The following VKORC1L1 variants were observed in gnomAD, a reference collection of about 807,000 sequenced individuals.
VKORC1L1 encodes vitamin K epoxide reductase complex subunit 1L1.
A neutral mutation model predicts 18.9 loss-of-function variants in VKORC1L1; 2 were observed. The observed-to-expected ratio is 0.11, with a 90% CI of 0.04 to 0.33. The LOEUF (loss-of-function observed/expected upper bound fraction) is 0.33. Among genes scored for constraint, VKORC1L1 ranks in the 10% least tolerant of loss-of-function variants. The pLI is 1.00. For synonymous variants in VKORC1L1, 96 were observed against 100.0 expected, an observed-to-expected ratio of 0.96 and a Z score of 0.24; for missense variants, 123 against 224.1, an observed-to-expected ratio of 0.55 and a Z score of 2.88.
chr7:65,912,547 C>T (rs1271013057), intron 1 of VKORC1L1, among the ~76,000 whole-genome samples: 1 of 152,182 alleles, frequency 6.6e-6, no homozygotes, highest in Non-Finnish European at 1.5e-5. Flanking sequence ...CACAAAGGCC[C>T]ATGTAGCAGG....
At chr7:65,948,594 A>G in intron 1 of VKORC1L1, 77 bp from the exon 2 acceptor site, 1 of 525,824 alleles carries the variant, frequency 1.9e-6, no homozygotes, top group Admixed American at 4.3e-5. Flanking sequence ...AGAATTGGAT[A>G]ACGTTCTCAA....
intron 1 of VKORC1L1, among the ~76,000 whole-genome samples, chr7:65,901,507 A>G (rs1330523464): frequency 1.3e-5 from 2 of 152,240 alleles, no homozygotes; most frequent in Non-Finnish European, 2.9e-5. Context: ...GCATTGGGTA[A>G]CAGGCAAAGC....
chr7:65,908,889 T>C (rs1486704018), intron 1 of VKORC1L1, among the ~76,000 whole-genome samples: 2 of 150,400 alleles, frequency 1.3e-5, no homozygotes, highest in Non-Finnish European at 3.0e-5. Context: ...GTTTGCAAGA[T>C]GAAGTATTAA....
intron 1 of VKORC1L1, among the ~76,000 whole-genome samples, chr7:65,881,106 C>G (rs533553865): frequency 6.6e-6 from 1 of 152,252 alleles, no homozygotes; most frequent in Admixed American, 6.5e-5. Context: ...CATTTCAGCT[C>G]CAAAGTGTTT....
intron 1 of VKORC1L1, among the ~76,000 whole-genome samples, chr7:65,928,254 C>CTTTTTTTTTT (rs760146385): frequency 9.4e-6 from 1 of 106,226 alleles, no homozygotes; most frequent in Non-Finnish European, 2.0e-5. Context: ...TTTTTTCCTT[C>CTTTTTTTTTT]TTTTTTTTTT....
intron 1 of VKORC1L1, among the ~76,000 whole-genome samples, chr7:65,922,969 ATCTC>A (rs902180106): frequency 4.6e-5 from 7 of 151,748 alleles, no homozygotes; most frequent in African/African-American, 1.7e-4. Flanking sequence ...TTTAACCATT[ATCTC>A]TCTCTCTCTC....
chr7:65,915,767 A>G (rs534287901), intron 1 of VKORC1L1, among the ~76,000 whole-genome samples: 1 of 152,086 alleles, frequency 6.6e-6, no homozygotes, highest in Admixed American at 6.5e-5. Context: ...AGGTGTTGCA[A>G]AATGGTGCTA....
chr7:65,951,193 C>T (rs1027659555), intron 2 of VKORC1L1, among the ~76,000 whole-genome samples: 3 of 152,182 alleles, frequency 2.0e-5, no homozygotes, highest in Non-Finnish European at 2.9e-5. Flanking sequence ...ATTTCCAGAG[C>T]ACAGCATCTG....
intron 1 of VKORC1L1, among the ~76,000 whole-genome samples, chr7:65,909,114 T>G (rs1355962584): frequency 6.8e-6 from 1 of 146,006 alleles, no homozygotes; most frequent in Non-Finnish European, 1.5e-5. Context: ...AGTACTGGGA[T>G]TACAGGCGTG....
chr7:65,944,218 A>G (rs1437674086), intron 1 of VKORC1L1, among the ~76,000 whole-genome samples: 1 of 151,624 alleles, frequency 6.6e-6, no homozygotes, highest in Non-Finnish European at 1.5e-5. Context: ...AATAAAAAAA[A>G]TTAGCCCTGC....
At chr7:65,882,642 T>C (rs1329325585) in intron 1 of VKORC1L1, among the ~76,000 whole-genome samples, 1 of 152,200 alleles carries the variant, frequency 6.6e-6, no homozygotes, top group African/African-American at 2.4e-5. Context: ...ATGTTATTGA[T>C]TAGTAAGACT....
upstream of VKORC1L1, among the ~76,000 whole-genome samples, chr7:65,871,524 T>C (rs1282518595): frequency 6.6e-6 from 1 of 152,160 alleles, no homozygotes; most frequent in Non-Finnish European, 1.5e-5. Flanking sequence ...TAAGTAGCAA[T>C]AGACTTCGTA....
chr7:65,892,197 A>G (rs772281412), intron 1 of VKORC1L1, among the ~76,000 whole-genome samples: 7 of 152,230 alleles, frequency 4.6e-5, no homozygotes, highest in African/African-American at 1.2e-4. Flanking sequence ...GTTGATGGAC[A>G]CTTAGGTTAA....
intron 1 of VKORC1L1, among the ~76,000 whole-genome samples, chr7:65,946,255 C>T (rs1212092831): frequency 2.0e-5 from 3 of 148,534 alleles, no homozygotes; most frequent in Non-Finnish European, 3.0e-5. Context: ...TCATTCCTAC[C>T]TCAAGGCCTT....
chr7:65,885,364 T>A (rs1261114424), intron 1 of VKORC1L1, among the ~76,000 whole-genome samples: 1 of 152,168 alleles, frequency 6.6e-6, no homozygotes, highest in Non-Finnish European at 1.5e-5. Context: ...TTGTTTATGA[T>A]GTCTTTACAT....
At position 65,956,321 on chromosome 7, in the gene VKORC1L1, C is replaced by T. The variant is rs1293619154; in HGVS notation, c.*2021C>T. 6.6e-6 allele frequency: 1 copy of T among 152,198 alleles called. No homozygotes were observed. The highest frequency in any genetic ancestry group is 1.5e-5 in the Non-Finnish European group (1 of 68,038). 9.4% of individuals were successfully genotyped at this position (152,198 alleles called of 1,614,324 possible). On this transcript the variant is annotated 3_prime_UTR_variant, in exon 3 of 3. Coordinates refer to ENST00000360768, the MANE Select transcript of VKORC1L1 (RefSeq NM_173517.6). ...GCCTAATGGTTAAAACTGTGGTATA[C>T]ATGACATCGGTTGTGCTAAACAAGT...
chr7:65,940,394 A>T (rs2115700403), intron 1 of VKORC1L1, among the ~76,000 whole-genome samples: 1 of 152,328 alleles, frequency 6.6e-6, no homozygotes, highest in South Asian at 2.1e-4. Flanking sequence ...ATATTTTTAG[A>T]TGTCCAGCAT....
chr7:65,900,089 A>G (rs201817844), intron 1 of VKORC1L1, among the ~76,000 whole-genome samples: 14 of 115,676 alleles, frequency 1.2e-4, no homozygotes, highest in East Asian at 8.6e-4. Context: ...GTGTGTGTGT[A>G]TTGAAAATAC....
chr7:65,935,179 G>T (rs1789921773), intron 1 of VKORC1L1, among the ~76,000 whole-genome samples: 1 of 151,978 alleles, frequency 6.6e-6, no homozygotes, highest in African/African-American at 2.4e-5. Context: ...GTGCCAGTCT[G>T]CTGGTAGTAA....
Sources: allele counts gnomAD v4.1 joint callset (sites outside exome capture counted in the v4.1 genomes callset), GRCh38; gene constraint gnomAD v4.1.1; transcripts MANE v1.5; gene names NCBI Gene and HGNC (gene_info 2026-07-23, HGNC 2026-07-21).